Variants in PIAS1 observed in about 807,000 individuals in gnomAD.
The protein encoded by PIAS1 is protein inhibitor of activated STAT 1, also known as E3 SUMO-protein ligase PIAS1.
A neutral mutation model predicts 71.3 loss-of-function variants in PIAS1; 6 were observed. The observed-to-expected ratio is 0.08, with a 90% confidence interval of 0.05 to 0.17. The LOEUF is 0.17. Among genes scored for constraint, PIAS1 ranks in the 10% least tolerant of loss-of-function variants. PIAS1 has a pLI of 1.00. For missense variants in PIAS1, 555 were observed against 793.6 expected, an observed-to-expected ratio of 0.70 and a Z score of 3.61; for synonymous variants, 303 against 292.9, an observed-to-expected ratio of 1.03 and a Z score of -0.35.
At chr15:68,163,703 C>T (rs950195827) in intron 7 of PIAS1, among the ~76,000 whole-genome samples, 1 of 152,134 alleles carries the variant, frequency 6.6e-6, no homozygotes, top group African/African-American at 2.4e-5. Context: ...TACCCGAGTA[C>T]TTCTCCCTCT....
rs1174332984 is a variant in PIAS1, at chr15:68,167,950, G to A, written c.1008+3146G>A. ...TCAAACTCCTGACCTCAGGTGATCT[G>A]CTTGCCTTAGCTTCCCAAAATGCTG... On this transcript the variant is annotated intron_variant, in intron 8 of 13. Transcript: ENST00000249636. The surrounding 1 kb of genome is among the most constrained non-coding windows in gnomAD (Gnocchi z 4.4). Among the ~76,000 whole-genome samples, 1 of 151,996 alleles carries A rather than the reference G, an allele frequency of 6.6e-6. No individual in the cohort carries two copies. The highest frequency in any genetic ancestry group is 1.5e-5 in the Non-Finnish European group (1 of 68,022).
At position 68,127,384 on chromosome 15, in the gene PIAS1, T is replaced by G. The variant is rs77400729; in HGVS notation, c.470-14562T>G. On this transcript the variant is annotated intron_variant, in intron 2 of 13. Coordinates refer to ENST00000249636, the MANE Select transcript of PIAS1 (RefSeq NM_016166.3). ...TGGACCTGGGGATCTGATAACTTCA[T>G]AAGCAGGTTTTCAAGAAATTCCCCT... is the stretch of plus-strand genomic sequence containing the variant. Among the ~76,000 whole-genome samples the G allele has an allele frequency of 1.5e-3, 233 of 152,312 alleles. 1 individual carries two copies. The highest frequency in any genetic ancestry group is 5.2e-3 in the African/African-American group (217 of 41,560).
intron 2 of PIAS1, among the ~76,000 whole-genome samples, chr15:68,113,862 G>A (rs2092541932): frequency 6.6e-6 from 1 of 152,024 alleles, no homozygotes; most frequent in Admixed American, 6.6e-5. Context: ...TCTTAGTATA[G>A]GTAATTTCTG....
chr15:68,153,746 G>T, intron 7 of PIAS1, 51 bp downstream of exon 7: 1 of 957,538 alleles, frequency 1.0e-6, no homozygotes, highest in Middle Eastern at 2.1e-4. Context: ...TTAAAGGTTA[G>T]AGTAGTATTT....
chr15:68,151,683 A>C (rs555193633), intron 6 of PIAS1, among the ~76,000 whole-genome samples: 32 of 134,860 alleles, frequency 2.4e-4, no homozygotes, highest in Admixed American at 5.4e-4. Flanking sequence ...AAAAAAACAA[A>C]ACACACACAC....
chr15:68,073,388 G>A (rs923819020), intron 1 of PIAS1, among the ~76,000 whole-genome samples: 14 of 152,140 alleles, frequency 9.2e-5, no homozygotes, highest in South Asian at 2.1e-4. Context: ...GTGCCAAACC[G>A]TTGTTACTCA....
intron 2 of PIAS1, among the ~76,000 whole-genome samples, chr15:68,114,721 T>G (rs1229703074): frequency 6.6e-6 from 1 of 152,062 alleles, no homozygotes; most frequent in African/African-American, 2.4e-5. Flanking sequence ...AATTATTTTA[T>G]GTATCTAGAT....
At chr15:68,140,475 C>T (rs2092762763) in intron 2 of PIAS1, among the ~76,000 whole-genome samples, 1 of 152,080 alleles carries the variant, frequency 6.6e-6, no homozygotes, top group Admixed American at 6.6e-5. Flanking sequence ...TTGGCATTGC[C>T]AGGTTGATGT....
chr15:68,091,991 C>T (rs1244477466), intron 2 of PIAS1, among the ~76,000 whole-genome samples: 1 of 152,118 alleles, frequency 6.6e-6, no homozygotes, highest in East Asian at 1.9e-4. Context: ...AGTATGGTGA[C>T]TCATCTTGTT....
intron 7 of PIAS1, among the ~76,000 whole-genome samples, chr15:68,155,301 C>G (rs1347616828): frequency 6.6e-6 from 1 of 151,948 alleles, no homozygotes; most frequent in Non-Finnish European, 1.5e-5. Flanking sequence ...AATAATTGTA[C>G]ACTGGATGAG....
At chr15:68,183,547 G>A in intron 12 of PIAS1, 83 bp from the exon 13 acceptor site, 3 of 637,918 alleles carry the variant, frequency 4.7e-6, no homozygotes, top group South Asian at 3.4e-5. Context: ...TATAAGACTT[G>A]TATTTGTTTT....
intron 1 of PIAS1, among the ~76,000 whole-genome samples, chr15:68,070,503 C>G (rs1443125162): frequency 6.6e-6 from 1 of 152,012 alleles, no homozygotes; most frequent in Non-Finnish European, 1.5e-5. Context: ...GCCTGAATGG[C>G]CAAGGCAGGT....
intron 2 of PIAS1, among the ~76,000 whole-genome samples, chr15:68,122,747 C>T (rs2092622223): frequency 6.6e-6 from 1 of 152,060 alleles, no homozygotes; most frequent in Non-Finnish European, 1.5e-5. Context: ...ATCTTTGAAA[C>T]AGAAGTGATA....
chr15:68,133,606 A>G lies in PIAS1; in HGVS notation c.470-8340A>G, dbSNP rs117057601. ...TGATAAAAGAAGCACACATATCCAT[A>G]GGGAAGGGAAAGTTTATTTAACAAA... is the stretch of plus-strand genomic sequence containing the variant. On this transcript the variant is annotated intron_variant, in intron 2 of 13. Coordinates refer to ENST00000249636, the MANE Select transcript of PIAS1 (RefSeq NM_016166.3). Among the ~76,000 whole-genome samples the G allele has an allele frequency of 6.1e-3, 932 of 152,302 alleles. 4 individuals carry two copies. Among genetic ancestry groups the G allele is most frequent in the East Asian group, 0.032 (168 of 5,190 alleles).
chr15:68,108,315 T>C (rs2130274), intron 2 of PIAS1, among the ~76,000 whole-genome samples: 73,658 of 151,846 alleles, frequency 0.49, 18,626 homozygotes, highest in Middle Eastern at 0.56. Flanking sequence ...TGATCTGTTC[T>C]CAGTCTCCAG....
intron 2 of PIAS1, among the ~76,000 whole-genome samples, chr15:68,108,980 T>G (rs2092498240): frequency 6.6e-6 from 1 of 152,204 alleles, no homozygotes; most frequent in Non-Finnish European, 1.5e-5. Flanking sequence ...AGTGATACTT[T>G]TAAATAAAAG....
intron 1 of PIAS1, chr15:68,055,956 T>TA: frequency 1.4e-6 from 1 of 698,240 alleles, no homozygotes; most frequent in Non-Finnish European, 2.6e-6. Flanking sequence ...TACTTCTAAT[T>TA]ACAAATTTAC....
intron 9 of PIAS1, 55 bp from the exon 10 acceptor site, chr15:68,175,582 T>C (rs1453827386): frequency 9.0e-6 from 9 of 998,480 alleles, no homozygotes; most frequent in Middle Eastern, 2.3e-4. Flanking sequence ...ACTTAAGTTG[T>C]TCAACCTTTA....
chr15:68,099,900 C>G (rs1012997902), intron 2 of PIAS1, among the ~76,000 whole-genome samples: 2 of 152,042 alleles, frequency 1.3e-5, no homozygotes, highest in Non-Finnish European at 2.9e-5. Context: ...CATCTTTCCA[C>G]ATACTTATTT....
Sources: gnomAD v4.1 joint callset for allele counts (sites outside exome capture counted in the v4.1 genomes callset) on GRCh38, gnomAD v4.1.1 for gene constraint, Gnocchi (gnomAD v3.1) non-coding constraint, MANE v1.5 for transcripts, NCBI Gene and HGNC (gene_info 2026-07-23, HGNC 2026-07-21) for gene names.